The following PBRM1 variants were observed in gnomAD, a reference collection of about 807,000 sequenced individuals.
PBRM1 encodes polybromo 1.
Under a neutral mutation model 194.5 loss-of-function variants are expected in PBRM1, and 27 were observed. The observed-to-expected ratio is 0.14, with a 90% CI of 0.10 to 0.19. The LOEUF is 0.19. Ranked by LOEUF, PBRM1 falls within the 10% of genes least tolerant of loss-of-function variation. The pLI is 1.00. For missense variants in PBRM1, 1,466 were observed against 2,077.2 expected (o/e 0.71, Z 5.72); for synonymous variants, 655 against 693.2 (o/e 0.94, Z 0.87).
At chr3:52,642,080 G>A (rs772238289) in intron 9 of PBRM1, 35 bp from the exon 11 acceptor site, 2 of 1,073,356 alleles carry the variant, frequency 1.9e-6, no homozygotes, top group Non-Finnish European at 2.9e-6. Flanking sequence ...GACAGGGAAG[G>A]ATGTTATAAT....
In PBRM1 at chr3:52,605,019, T is replaced by C. The variant is rs145054989; in HGVS notation, c.2568-1287A>G. 5.5e-4 allele frequency among the ~76,000 whole-genome samples: 81 copies of C among 147,648 alleles called. 2 individuals are homozygous for C. The East Asian group carries it at 0.015, about 28-fold the overall frequency. The stretch of plus-strand genomic sequence containing the variant: ...ATGTGGGGAGTGGGCAAAATAAACT[T>C]CAGACTTTAGAATTTTGACTGGAGG... On this transcript the variant is annotated intron_variant, in intron 16 of 29. Transcript: ENST00000296302.
At chr3:52,610,073 T>C (rs1235417613) in intron 15 of PBRM1, 118 bp from the exon 18 acceptor site, 1 of 601,220 alleles carries the variant, frequency 1.7e-6, no homozygotes, top group Non-Finnish European at 2.7e-6. Context: ...GCAATTAGCA[T>C]GTCTATAGTG....
intron 22 of PBRM1, among the ~76,000 whole-genome samples, chr3:52,570,343 A>G (rs1349151800): frequency 2.0e-5 from 3 of 152,234 alleles, no homozygotes; most frequent in Admixed American, 2.0e-4. Context: ...CTAAACATGT[A>G]TATGAAAAAC....
upstream of PBRM1, among the ~76,000 whole-genome samples, chr3:52,680,827 A>G (rs1474656889): frequency 1.3e-5 from 2 of 151,816 alleles, no homozygotes; most frequent in Non-Finnish European, 2.9e-5. Context: ...CACCCAGCTA[A>G]TTTTTGTATT....
At chr3:52,649,603 T>G (rs1320718041) in intron 6 of PBRM1, among the ~76,000 whole-genome samples, 1 of 152,222 alleles carries the variant, frequency 6.6e-6, no homozygotes, top group African/African-American at 2.4e-5. Flanking sequence ...CTATCCAATA[T>G]GCTTTTCAAA....
intron 13 of PBRM1, 107 bp downstream of exon 15, chr3:52,624,790 A>G: frequency 1.4e-6 from 1 of 734,504 alleles, no homozygotes; most frequent in African/African-American, 1.8e-5. Context: ...CCCAATAAAG[A>G]CTTTTTTTCA....
intron 24 of PBRM1, 97 bp from the exon 27 acceptor site, chr3:52,562,065 T>A: frequency 1.2e-6 from 1 of 867,616 alleles, no homozygotes; most frequent in Non-Finnish European, 1.9e-6. Context: ...CTCACACCTG[T>A]AATCCCAGCA....
At chr3:52,634,706 G>A (rs1044027331) in exon 11 of PBRM1, 1 of 1,613,478 alleles carries the variant, frequency 6.2e-7, no homozygotes, top group African/African-American at 1.3e-5. Flanking sequence ...GCTGCCCTTG[G>A]TTATTCCGAC....
chr3:52,574,462 G>A (rs1164217537), intron 22 of PBRM1, among the ~76,000 whole-genome samples: 1 of 152,234 alleles, frequency 6.6e-6, no homozygotes. Flanking sequence ...AAATGAACCA[G>A]CTGTTGCCGG....
At chr3:52,581,056 G>A (rs1365122594) in intron 20 of PBRM1, among the ~76,000 whole-genome samples, 1 of 152,144 alleles carries the variant, frequency 6.6e-6, no homozygotes, top group Non-Finnish European at 1.5e-5. Context: ...TATAAGCTGA[G>A]GAAACTCCAA....
intron 26 of PBRM1, 89 bp downstream of exon 28, chr3:52,558,160 A>G: frequency 2.2e-6 from 2 of 917,500 alleles, no homozygotes; most frequent in Non-Finnish European, 1.6e-6. Flanking sequence ...GAGAAAAGGC[A>G]ATAGACTGTG....
chr3:52,618,547 G>A (rs1477189567), intron 13 of PBRM1, among the ~76,000 whole-genome samples: 1 of 151,536 alleles, frequency 6.6e-6, no homozygotes, highest in African/African-American at 2.4e-5. Flanking sequence ...CAGTCTCCAA[G>A]TGAACAGTGA....
At chr3:52,547,812 T>C, downstream of PBRM1, 1 of 378,462 alleles carries the variant, frequency 2.6e-6, no homozygotes, top group African/African-American at 2.1e-5. Flanking sequence ...TACAACCAAT[T>C]ATGAAACTGG....
chr3:52,563,486 T>A, exon 24 of PBRM1: 1 of 1,613,558 alleles, frequency 6.2e-7, no homozygotes, highest in Non-Finnish European at 8.5e-7. Flanking sequence ...TGAGGAACAA[T>A]TGGTTTTCTG....
In PBRM1 at chr3:52,570,716, T is replaced by C. The variant is rs76022644; in HGVS notation, c.3691+5825A>G. On this transcript the variant is annotated intron_variant, in intron 22 of 29. Coordinates refer to ENST00000296302, the Ensembl canonical transcript of PBRM1. ...TTTGATTGGAATTGGAACGAACCAA[T>C]AGATCAATTTGGGGGGAACTGGCAT... Among the ~76,000 whole-genome samples the C allele has an allele frequency of 3.5e-3, 540 of 152,332 alleles. 3 individuals are homozygous for C. Among genetic ancestry groups the C allele is most frequent in the African/African-American group, 8.0e-3 (331 of 41,574 alleles).
In PBRM1 at chr3:52,678,612, A is replaced by C; in HGVS notation, c.139-15T>G. The C allele has an allele frequency of 3.9e-6, 6 of 1,533,042 alleles. No individual in the cohort carries two copies. Among genetic ancestry groups the C allele is most frequent in the Non-Finnish European group, 4.5e-6 (5 of 1,107,910 alleles). The allele number at this position is 1,533,042 out of a possible 1,614,324, so 95.0% of individuals were successfully genotyped here. A position where few individuals can be genotyped will look rare whatever the true frequency, so the allele number is the denominator to read the frequency against. ...CACACGGCAATCTACACATTAGCAA[A>C]GGAGAAAAAAATCACTAAAAAAGTG... On this transcript the variant is annotated splice_polypyrimidine_tract_variant and intron_variant, in intron 1 of 29. Coordinates refer to ENST00000296302, the Ensembl canonical transcript of PBRM1.
chr3:52,636,211 T>C (rs1027787776), intron 10 of PBRM1, among the ~76,000 whole-genome samples: 1 of 152,166 alleles, frequency 6.6e-6, no homozygotes, highest in African/African-American at 2.4e-5. Flanking sequence ...TAGCCTTAAA[T>C]CTCTGTGACT....
chr3:52,564,143 T>C (rs560772391), exon 23 of PBRM1: 3 of 1,613,682 alleles, frequency 1.9e-6, no homozygotes, highest in Admixed American at 1.7e-5. Context: ...GCTCTCATTG[T>C]AGCGGCTCTC....
intron 14 of PBRM1, among the ~76,000 whole-genome samples, chr3:52,616,566 A>T (rs957711212): frequency 2.0e-5 from 3 of 152,034 alleles, no homozygotes; most frequent in African/African-American, 2.4e-5. Context: ...GGTGGTGGGC[A>T]CCTGTAGTCC....
Sources: gnomAD v4.1 joint callset for allele counts (sites outside exome capture counted in the v4.1 genomes callset) on GRCh38, gnomAD v4.1.1 for gene constraint, MANE v1.5 for transcripts, NCBI Gene and HGNC (gene_info 2026-07-23, HGNC 2026-07-21) for gene names.